Variants in UBAP2 observed in about 807,000 individuals in gnomAD.
The protein encoded by UBAP2 is ubiquitin associated protein 2.
In UBAP2, 75 loss-of-function variants were observed where a neutral mutation model predicts 139.6. The observed-to-expected ratio is 0.54, with a 90% CI of 0.45 to 0.65. The LOEUF is 0.65. UBAP2 is among the 30% of genes least tolerant of loss of function. The pLI is 0.00. For missense variants in UBAP2, 1,368 were observed against 1,369.6 expected, an observed-to-expected ratio of 1.00 and a Z score of 0.02; for synonymous variants, 526 against 526.2, an observed-to-expected ratio of 1.00 and a Z score of 0.01.
chr9:33,937,631 G>GGCAC (rs1824680289), intron 16 of UBAP2, among the ~76,000 whole-genome samples: 1 of 150,216 alleles, frequency 6.7e-6, no homozygotes, highest in South Asian at 2.1e-4. Flanking sequence ...AATTAAGCTG[G>GGCAC]GCACAATGGC....
At chr9:33,924,701 AG>A (rs936683891) in intron 22 of UBAP2, among the ~76,000 whole-genome samples, 13 of 152,298 alleles carry the variant, frequency 8.5e-5, no homozygotes, top group African/African-American at 3.1e-4. Flanking sequence ...GAAAGGTTTA[AG>A]GGGGGACAGG....
intron 1 of UBAP2, among the ~76,000 whole-genome samples, chr9:34,024,216 C>A (rs537668377): frequency 9.9e-5 from 15 of 152,038 alleles, no homozygotes; most frequent in East Asian, 5.8e-4. Context: ...GGGGCACATG[C>A]CCATAATCCC....
chr9:33,946,702 C>T (rs1280944749), intron 13 of UBAP2, among the ~76,000 whole-genome samples: 1 of 151,984 alleles, frequency 6.6e-6, no homozygotes, highest in East Asian at 1.9e-4. Flanking sequence ...TGAGTGTCAA[C>T]AGAATTTAAT....
At chr9:33,960,494 G>A (rs945373724) in intron 10 of UBAP2, among the ~76,000 whole-genome samples, 4 of 152,020 alleles carry the variant, frequency 2.6e-5, no homozygotes, top group South Asian at 2.1e-4. Flanking sequence ...GACAGGTATC[G>A]GCCAGGCGCA....
chr9:34,001,116 A>T (rs1252902255), intron 2 of UBAP2, among the ~76,000 whole-genome samples: 1 of 152,178 alleles, frequency 6.6e-6, no homozygotes, highest in Non-Finnish European at 1.5e-5. Flanking sequence ...GCAAAGGGAG[A>T]GATGGGTTTT....
intron 6 of UBAP2, among the ~76,000 whole-genome samples, chr9:33,986,169 T>C (rs2131133080): frequency 6.6e-6 from 1 of 152,086 alleles, no homozygotes; most frequent in Non-Finnish European, 1.5e-5. Flanking sequence ...TCTCCTGCCT[T>C]AGCCTCTCAA....
At chr9:33,937,931 A>G (rs1824734893) in intron 16 of UBAP2, among the ~76,000 whole-genome samples, 1 of 151,956 alleles carries the variant, frequency 6.6e-6, no homozygotes, top group South Asian at 2.1e-4. Flanking sequence ...AAATAGATAC[A>G]TATATTTACA....
At chr9:34,038,707 C>T (rs554558682) in intron 1 of UBAP2, among the ~76,000 whole-genome samples, 48 of 152,270 alleles carry the variant, frequency 3.2e-4, no homozygotes, top group African/African-American at 1.1e-3. Context: ...GCCGCCACCC[C>T]GTCTGGGAAG....
At chr9:34,047,213 ATCTC>A (rs1326330346) in intron 1 of UBAP2, among the ~76,000 whole-genome samples, 1 of 152,122 alleles carries the variant, frequency 6.6e-6, no homozygotes, top group Non-Finnish European at 1.5e-5. Flanking sequence ...CTGTGGGAAA[ATCTC>A]TCGTCACACG....
At chr9:34,008,683 C>T (rs1823457905) in intron 2 of UBAP2, among the ~76,000 whole-genome samples, 1 of 151,818 alleles carries the variant, frequency 6.6e-6, no homozygotes, top group Admixed American at 6.6e-5. Flanking sequence ...ATGTAAAAAG[C>T]TGACCAGGCA....
In UBAP2 at chr9:34,022,501, G is replaced by A. The variant is rs576001353; in HGVS notation, c.-41-5312C>T. 6.4e-4 allele frequency among the ~76,000 whole-genome samples: 92 copies of A among 143,814 alleles called. No individual in the cohort carries two copies. The South Asian group carries it at 9.4e-3, about 15-fold the overall frequency. 94.3% of individuals were successfully genotyped at this position (143,814 alleles called of 152,430 possible). On this transcript the variant is annotated intron_variant, in intron 1 of 28. Transcript: ENST00000379238. Reference sequence around the variant, plus strand: ...TGCCCAGGCTGGAGTGCAGTGGCACGATCTCGGCCCAGCAACTTCTGCCTT... The same window carrying A: ...TGCCCAGGCTGGAGTGCAGTGGCACAATCTCGGCCCAGCAACTTCTGCCTT...
intron 1 of UBAP2, among the ~76,000 whole-genome samples, chr9:34,045,504 G>A (rs1269095061): frequency 6.6e-6 from 1 of 152,152 alleles, no homozygotes; most frequent in East Asian, 1.9e-4. Flanking sequence ...CTCTGGAGCA[G>A]CTGGGACTAC....
chr9:33,998,823 A>T lies in UBAP2; in HGVS notation c.141T>A (p.Asp47Glu), dbSNP rs1822421502. 6.2e-7 allele frequency: 1 copy of T among 1,612,358 alleles called. No individual in the cohort carries two copies. The highest frequency in any genetic ancestry group is 8.5e-7 in the Non-Finnish European group (1 of 1,179,858). Residue 47 changes from aspartate (D) to glutamate (E), a missense_variant, in exon 3 of 29, where the codon GAT becomes GAA. Transcript: ENST00000379238. Reference protein sequence around the residue: ...EQMRLAQVIFDKNDSDFEAKV... With the variant: ...EQMRLAQVIFEKNDSDFEAKV... ...TAGCTTCAAAATCTGAATCATTCTT[A>T]TCAAAGATCACTTGAGCGAGACGCA... is the stretch of plus-strand genomic sequence containing the variant.
chr9:34,041,250 C>A (rs919132918), intron 1 of UBAP2, among the ~76,000 whole-genome samples: 1 of 149,470 alleles, frequency 6.7e-6, no homozygotes, highest in Non-Finnish European at 1.5e-5. Context: ...GTCAGGAGTT[C>A]GAGACCAGCC....
intron 2 of UBAP2, among the ~76,000 whole-genome samples, chr9:34,014,793 CCATT>C (rs1824105292): frequency 7.2e-6 from 1 of 139,084 alleles, no homozygotes; most frequent in Non-Finnish European, 1.6e-5. Flanking sequence ...AAAAAAAAGA[CCATT>C]CATTAAGCAA....
At chr9:34,004,579 G>A (rs753789587) in intron 2 of UBAP2, among the ~76,000 whole-genome samples, 15 of 150,186 alleles carry the variant, frequency 1.0e-4, no homozygotes, top group South Asian at 2.1e-4. Context: ...TCAGGAGATC[G>A]AGACCATCCT....
chr9:34,019,718 C>CAA (rs1158541429), intron 1 of UBAP2, among the ~76,000 whole-genome samples: 2 of 150,462 alleles, frequency 1.3e-5, no homozygotes, highest in Non-Finnish European at 3.0e-5. Flanking sequence ...CACACACACA[C>CAA]ACACACGCAC....
At chr9:33,926,159 A>T (rs912118084) in intron 22 of UBAP2, among the ~76,000 whole-genome samples, 1 of 152,126 alleles carries the variant, frequency 6.6e-6, no homozygotes, top group African/African-American at 2.4e-5. Flanking sequence ...AGCTCAAGCC[A>T]CTCACTCAGC....
At chr9:34,012,840 ATTT>A (rs113937825) in intron 2 of UBAP2, among the ~76,000 whole-genome samples, 7 of 146,378 alleles carry the variant, frequency 4.8e-5, no homozygotes, top group African/African-American at 5.0e-5. Context: ...CTCACAATGT[ATTT>A]TTTTTTTTTT....
Sources: gnomAD v4.1 joint callset for allele counts (sites outside exome capture counted in the v4.1 genomes callset) on GRCh38, gnomAD v4.1.1 for gene constraint, MANE v1.5 for transcripts, NCBI Gene and HGNC (gene_info 2026-07-23, HGNC 2026-07-21) for gene names.